The following RHOT2 variants were observed in gnomAD, a reference collection of about 807,000 sequenced individuals.
RHOT2 encodes the protein ras homolog family member T2.
RHOT2 carries 90 observed loss-of-function variants against 81.6 expected under a neutral mutation model. The observed-to-expected ratio is 1.10, with a 90% CI of 0.93 to 1.31. The LOEUF (loss-of-function observed/expected upper bound fraction) is 1.31, where lower values mean the gene tolerates loss of function less well. Among genes scored for constraint, RHOT2 ranks in the 40% most tolerant of loss-of-function variants. RHOT2 has a pLI of 0.00. For missense variants in RHOT2, 1,014 were observed against 841.9 expected (o/e 1.20, Z -2.53); for synonymous variants, 512 against 370.9 (o/e 1.38, Z -4.37).
At position 670,360 on chromosome 16, in the gene RHOT2, G is replaced by C. The variant is rs370007960; in HGVS notation, c.438+3G>C. On this transcript the variant is annotated splice_donor_region_variant and intron_variant, in intron 7 of 18. Transcript: ENST00000315082. ...CCGAGATTGAGACCTGCGTGGAGGTGAGTAGGTCCCAGGCAGGGCCGCCTC... is the reference window on the plus strand; with the variant it reads ...CCGAGATTGAGACCTGCGTGGAGGTCAGTAGGTCCCAGGCAGGGCCGCCTC... 6.2e-7 allele frequency: 1 copy of C among 1,612,236 alleles called. No individual in the cohort carries two copies. The highest frequency in any genetic ancestry group is 1.3e-5 in the African/African-American group (1 of 74,930).
In RHOT2 at chr16:671,751, T is replaced by A; in HGVS notation, c.924T>A (p.Phe308Leu). Residue 308 changes from phenylalanine to leucine, a missense_variant, in exon 12 of 19, where the codon TTT becomes TTA. Physicochemically the swap from Phe to Leu is conservative, Grantham distance 22 (BLOSUM62 0). Coordinates refer to ENST00000315082, the MANE Select transcript of RHOT2 (RefSeq NM_138769.3). ...STELNHLGYQ[F>L]VQRVFEKHDQ... is the part of the protein sequence containing the mutation. ...AGCTCAACCACCTTGGCTACCAGTT[T>A]GTGCAGAGAGTGTTTGAGAAGCACG... 2.5e-6 allele frequency: 4 copies of A among 1,612,498 alleles called. No homozygotes were observed. Among genetic ancestry groups the A allele is most frequent in the Non-Finnish European group, 3.4e-6 (4 of 1,179,794 alleles).
In RHOT2 at chr16:672,949, AC is replaced by A. The variant is rs1452968385; in HGVS notation, c.1554del (p.Cys519AlafsTer97). ...VYKHHYMDGQ[T>X]PCLFVSSKAD... Reference sequence around the variant, plus strand: ...ACAGCACCATTACATGGACGGGCAGACCCCCTGCCTCTTTGTCTCCTCCAAG... The same window carrying A: ...ACAGCACCATTACATGGACGGGCAGACCCCTGCCTCTTTGTCTCCTCCAAG... On this transcript the variant is annotated frameshift_variant, in exon 18 of 19. Transcript: ENST00000315082. LOFTEE classifies it high-confidence loss of function. 1 of 1,611,436 alleles carries A rather than the reference AC, an allele frequency of 6.2e-7. No homozygotes were observed. The highest frequency in any genetic ancestry group is 1.1e-5 in the South Asian group (1 of 91,000).
In RHOT2 at chr16:671,062, C is replaced by G. The variant is rs201675733; in HGVS notation, c.749-21C>G. On this transcript the variant is annotated intron_variant, in intron 10 of 18. Transcript: ENST00000315082. Reference sequence around the variant, plus strand: ...GGGAGGGGGCTGTGCCTGGTGCTCCCCCTGCTTTGTCTCGGTGCAGGTTTC... The same window carrying G: ...GGGAGGGGGCTGTGCCTGGTGCTCCGCCTGCTTTGTCTCGGTGCAGGTTTC... 5 of 1,608,858 alleles carry G rather than the reference C, an allele frequency of 3.1e-6. No individual in the cohort carries two copies. In the Admixed American group the frequency reaches 6.7e-5, roughly 21 times the overall value.
rs544731367 is a variant in RHOT2 at position 669,306 on chromosome 16, G to C, written c.223-247G>C. 3.3e-5 allele frequency: 19 copies of C among 573,068 alleles called. No homozygotes were observed. The African/African-American group carries it at 3.6e-4, about 11-fold the overall frequency. The allele number at this position is 573,068 out of a possible 1,614,324, so 35.5% of individuals were successfully genotyped here. The stretch of plus-strand genomic sequence containing the variant: ...CCTGGTGTCCCTGCACTGGCAGTGG[G>C]CGGGGAAGAGGCTTCTCTGAGGGTT... On this transcript the variant is annotated intron_variant, in intron 4 of 18. Coordinates refer to ENST00000315082, the MANE Select transcript of RHOT2 (RefSeq NM_138769.3).
intron 5 of RHOT2, 37 bp downstream of exon 5, chr16:669,643 A>G (rs1388839447): frequency 1.9e-6 from 3 of 1,605,178 alleles, no homozygotes; most frequent in South Asian, 1.1e-5. Flanking sequence ...GCAGAGACAC[A>G]GTGGCCGGTG....
Position 670,352 on chromosome 16 carries a change from G to A in RHOT2, c.433G>A (p.Val145Met), listed in dbSNP as rs565244754. ...CCAGTTTCCCGAGATTGAGACCTGC[G>A]TGGAGGTGAGTAGGTCCCAGGCAGG... Reference protein sequence around the residue: ...MSQFPEIETCVECSAKNLRNI... With the variant: ...MSQFPEIETCMECSAKNLRNI... Residue 145 changes from valine to methionine, a missense_variant, in exon 7 of 19, where the codon GTG (valine) becomes ATG (methionine). By Grantham distance (21) the Val-to-Met change is conservative. Transcript: ENST00000315082. The A allele has an allele frequency of 3.2e-4, 520 of 1,612,642 alleles. 10 individuals carry two copies. The South Asian group carries it at 5.2e-3, about 16-fold the overall frequency.
At chr16:670,856 G>A in intron 9 of RHOT2, 36 bp from the exon 10 acceptor site, 1 of 1,588,528 alleles carries the variant, frequency 6.3e-7, no homozygotes, top group Non-Finnish European at 8.6e-7. Flanking sequence ...TCTCCGGGTG[G>A]CTGGCTGACT....
rs770299418 is a variant in RHOT2 at position 670,223 on chromosome 16, CT to C, written c.330-25del. The stretch of plus-strand genomic sequence containing the variant: ...GCTGGGACCCCTGGCTCCCCTGCCC[CT>C]GGTGACCATGGGCCTTCAACCCAGG... On this transcript the variant is annotated intron_variant, in intron 6 of 18. Coordinates refer to ENST00000315082, the MANE Select transcript of RHOT2 (RefSeq NM_138769.3). 5.6e-6 allele frequency: 9 copies of C among 1,611,496 alleles called. No homozygotes were observed. In the Admixed American group the frequency reaches 6.7e-5, roughly 12 times the overall value.
chr16:672,255 C>G lies in RHOT2; in HGVS notation c.1197C>G (p.Val399=). ...CCTAACCCGTGTCTATCCTCACAGTCACTCGTGAGAAGAGGCTGGACCAGG... is the reference window on the plus strand; with the variant it reads ...CCTAACCCGTGTCTATCCTCACAGTGACTCGTGAGAAGAGGCTGGACCAGG... The part of the protein sequence containing the change: ...CEQDQAHAIT[V]TREKRLDQEK... Residue 399 remains valine, a splice_region_variant and synonymous_variant, in exon 15 of 19, where the codon GTC becomes GTG. Coordinates refer to ENST00000315082, the MANE Select transcript of RHOT2 (RefSeq NM_138769.3). The G allele has an allele frequency of 1.2e-6, 2 of 1,611,436 alleles. No homozygotes were observed. The highest frequency in any genetic ancestry group is 8.5e-7 in the Non-Finnish European group (1 of 1,179,034).
At chr16:672,410 C>T (rs765750894) in intron 15 of RHOT2, 26 bp downstream of exon 15, 6 of 1,607,656 alleles carry the variant, frequency 3.7e-6, no homozygotes, top group Non-Finnish European at 5.1e-6. Flanking sequence ...TCCCCCACCA[C>T]CCCAGGGGCT....
In RHOT2 at chr16:672,350, C is replaced by T; in HGVS notation, c.1292C>T (p.Ala431Val). ...VVGARGVGKS[A>V]FLQAFLGRGL... ...GGGGCCCGTGGAGTGGGCAAGTCTG[C>T]CTTCCTGCAGGCCTTTCTCGGCCGC... Residue 431 changes from alanine to valine, a missense_variant, in exon 15 of 19, where the codon GCC becomes GTC. Coordinates refer to ENST00000315082, the MANE Select transcript of RHOT2 (RefSeq NM_138769.3). The T allele has an allele frequency of 3.1e-6, 5 of 1,611,680 alleles. No individual in the cohort carries two copies. Among genetic ancestry groups the T allele is most frequent in the Non-Finnish European group, 4.2e-6 (5 of 1,179,310 alleles).
chr16:668,318 C>CATTAAAAA, intron 1 of RHOT2, 35 bp from the exon 2 acceptor site: 2 of 1,295,836 alleles, frequency 1.5e-6, no homozygotes, highest in Non-Finnish European at 2.0e-6. Context: ...GCGCCGTGAC[C>CATTAAAAA]TTGGCCCTCG....
At chr16:670,647 T>C in intron 8 of RHOT2, 28 bp from the exon 9 acceptor site, 1 of 1,609,760 alleles carries the variant, frequency 6.2e-7, no homozygotes. Flanking sequence ...GTGGGTCACC[T>C]GAGGGTGCTG....
At chr16:673,243 G>A in intron 18 of RHOT2, 113 bp downstream of exon 18, 3 of 1,311,210 alleles carry the variant, frequency 2.3e-6, no homozygotes, top group South Asian at 2.5e-5. Context: ...CATCCGAGCA[G>A]TGGGCAGCAG....
In RHOT2 at chr16:672,081, C is replaced by CA; in HGVS notation, c.1098-2dup. The CA allele has an allele frequency of 6.2e-7, 1 of 1,612,596 alleles. No homozygotes were observed. Among genetic ancestry groups the CA allele is most frequent in the South Asian group, 1.1e-5 (1 of 91,082 alleles). On this transcript the variant is annotated splice_region_variant and splice_polypyrimidine_tract_variant and intron_variant, in intron 13 of 18. Transcript: ENST00000315082. The stretch of plus-strand genomic sequence containing the variant: ...ACTGTGCCTGCCTCCCGCCCACCCC[C>CA]AGCCTGGTGACCTACCTGGACGTCC...
chr16:670,555 C>G lies in RHOT2; in HGVS notation c.538C>G (p.Gln180Glu). Residue 180 changes from glutamine (Q) to glutamate (E), a missense_variant and splice_region_variant, in exon 8 of 19, where the codon CAG (glutamine) becomes GAG (glutamate). By Grantham distance (29) the Gln-to-Glu change is conservative. Transcript: ENST00000315082. ...CCCCCTCTATGACCCTGAGGCCAAG[C>G]AGGTGAGCATCGGCTGGGGCCCCGC... is the stretch of plus-strand genomic sequence containing the variant. ...TAPLYDPEAK[Q>E]LRPACAQALT... The G allele has an allele frequency of 6.2e-7, 1 of 1,603,410 alleles. No homozygotes were observed. Among genetic ancestry groups the G allele is most frequent in the Non-Finnish European group, 8.5e-7 (1 of 1,174,724 alleles).
At position 668,249 on chromosome 16, in the gene RHOT2, C is replaced by A; in HGVS notation, c.37+13C>A. The A allele has an allele frequency of 5.1e-6, 4 of 779,256 alleles. No individual in the cohort carries two copies. The highest frequency in any genetic ancestry group is 7.4e-6 in the Non-Finnish European group (4 of 540,996). 48.3% of individuals were successfully genotyped at this position (779,256 alleles called of 1,614,324 possible). Reference sequence around the variant, plus strand: ...TTACTGGGCGAGGGTAGGCGCCGGCCCGGGGGTCTCGGAGCTGCGGCGGCC... The same window carrying A: ...TTACTGGGCGAGGGTAGGCGCCGGCACGGGGGTCTCGGAGCTGCGGCGGCC... On this transcript the variant is annotated intron_variant, in intron 1 of 18. Coordinates refer to ENST00000315082, the MANE Select transcript of RHOT2 (RefSeq NM_138769.3).
intron 18 of RHOT2, 132 bp downstream of exon 18, chr16:673,262 G>T (rs1028291102): frequency 7.8e-7 from 1 of 1,279,872 alleles, no homozygotes; most frequent in Non-Finnish European, 1.1e-6. Context: ...AGTGGCGTCA[G>T]GCCTGGAACT....
At position 670,566 on chromosome 16, in the gene RHOT2, C is replaced by T. The variant is rs1201253224; in HGVS notation, c.540+9C>T. The T allele has an allele frequency of 9.4e-6, 15 of 1,599,078 alleles. No homozygotes were observed. Among genetic ancestry groups the T allele is most frequent in the East Asian group, 8.9e-5 (4 of 44,730 alleles). On this transcript the variant is annotated intron_variant, in intron 8 of 18. Coordinates refer to ENST00000315082, the MANE Select transcript of RHOT2 (RefSeq NM_138769.3). Reference sequence around the variant, plus strand: ...ACCCTGAGGCCAAGCAGGTGAGCATCGGCTGGGGCCCCGCACGCTGGTTCC... The same window carrying T: ...ACCCTGAGGCCAAGCAGGTGAGCATTGGCTGGGGCCCCGCACGCTGGTTCC...
Sources: allele counts gnomAD v4.1 joint callset, GRCh38; gene constraint gnomAD v4.1.1; transcripts MANE v1.5; gene names NCBI Gene and HGNC (gene_info 2026-07-23, HGNC 2026-07-21).